Variants in DGKB observed in about 807,000 individuals in gnomAD.
DGKB encodes 90 kDa diacylglycerol kinase.
DGKB carries 67 observed loss-of-function variants against 114.3 expected under a neutral mutation model. The ratio of observed to expected loss-of-function variants is 0.59; its 90% CI spans 0.48 to 0.72. The LOEUF is 0.72. DGKB is among the 30% of genes least tolerant of loss of function. The probability of loss-of-function intolerance (pLI) is 0.00; values close to 1 mark genes in which losing one functional copy is unlikely to be tolerated. For synonymous variants in DGKB, 398 were observed against 323.1 expected (o/e 1.23, Z -2.49); for missense variants, 907 against 975.2 (o/e 0.93, Z 0.93).
intron 25 of DGKB, among the ~76,000 whole-genome samples, chr7:14,157,024 T>C (rs2158824): frequency 0.09 from 13,652 of 152,156 alleles, 882 homozygotes; most frequent in African/African-American, 0.18. Context: ...CTATTAAATA[T>C]TCACCCTGTA....
At chr7:14,223,282 T>C (rs1790282962) in intron 23 of DGKB, among the ~76,000 whole-genome samples, 2 of 151,682 alleles carry the variant, frequency 1.3e-5, no homozygotes, top group South Asian at 4.1e-4. Flanking sequence ...CTTTTTACTA[T>C]CTCTTCTTAA....
At chr7:14,515,708 G>A (rs10231750) in intron 20 of DGKB, among the ~76,000 whole-genome samples, 3 of 151,962 alleles carry the variant, frequency 2.0e-5, no homozygotes, top group South Asian at 4.1e-4. Context: ...TCTAGAAATA[G>A]AACCTTCATC....
chr7:14,912,746 A>G (rs764224781), intron 1 of DGKB, among the ~76,000 whole-genome samples: 2 of 152,096 alleles, frequency 1.3e-5, no homozygotes, highest in African/African-American at 4.8e-5. Flanking sequence ...ATGTCATTTT[A>G]TGATGTTAAC....
chr7:14,262,027 G>A (rs73052110), intron 23 of DGKB, among the ~76,000 whole-genome samples: 11,147 of 152,242 alleles, frequency 0.073, 406 homozygotes, highest in African/African-American at 0.077. Context: ...CCTGGGTTGT[G>A]TGGTGAATAA....
chr7:14,621,460 C>CCCA lies in DGKB; in HGVS notation c.1201_1202insTGG (p.Ser400_Gly401insVal), dbSNP rs1807632770. 9.9e-6 allele frequency: 16 copies of CCCA among 1,609,398 alleles called. No individual in the cohort carries two copies. Among genetic ancestry groups the CCCA allele is most frequent in the Non-Finnish European group, 1.4e-5 (16 of 1,177,774 alleles). ...AATCACTTTGTTTGGCTGCTGGGAA[C>CCCA]CACTCTTTTCCTTTTTCACTGTTGA... On this transcript the variant is annotated inframe_insertion, in exon 15 of 26. Coordinates refer to ENST00000402815, the MANE Select transcript of DGKB (RefSeq NM_001350709.2).
intron 1 of DGKB, among the ~76,000 whole-genome samples, chr7:14,853,760 C>G (rs768872718): frequency 6.8e-6 from 1 of 147,546 alleles, no homozygotes; most frequent in Non-Finnish European, 1.5e-5. Context: ...CCCAGCTACT[C>G]GGGAGGCTGA....
chr7:14,629,085 G>C (rs76930199), intron 14 of DGKB, among the ~76,000 whole-genome samples: 1 of 151,836 alleles, frequency 6.6e-6, no homozygotes, highest in Non-Finnish European at 1.5e-5. Context: ...GCCTATATTT[G>C]CTTGATTGGG....
At chr7:14,639,750 G>GTTTTGT (rs1293302475) in intron 13 of DGKB, among the ~76,000 whole-genome samples, 2 of 152,138 alleles carry the variant, frequency 1.3e-5, no homozygotes, top group Admixed American at 1.3e-4. Context: ...ATTATAGGTT[G>GTTTTGT]TTTTGTTTTT....
At chr7:14,242,675 G>C (rs1318647170) in intron 23 of DGKB, among the ~76,000 whole-genome samples, 1 of 141,206 alleles carries the variant, frequency 7.1e-6, no homozygotes, top group Non-Finnish European at 1.6e-5. Flanking sequence ...TTTGACTCCA[G>C]CTTCTTATAA....
intron 23 of DGKB, among the ~76,000 whole-genome samples, chr7:14,243,357 C>T (rs1258634224): frequency 6.6e-6 from 1 of 151,974 alleles, no homozygotes. Flanking sequence ...AAGGGAAAGG[C>T]CAAAGACAGT....
intron 7 of DGKB, among the ~76,000 whole-genome samples, chr7:14,699,323 T>C (rs1824684668): frequency 6.6e-6 from 1 of 152,262 alleles, no homozygotes; most frequent in African/African-American, 2.4e-5. Context: ...TGCTTACATA[T>C]GCCTTAATGG....
intron 21 of DGKB, among the ~76,000 whole-genome samples, chr7:14,435,695 G>A (rs1829139221): frequency 6.6e-6 from 1 of 151,980 alleles, no homozygotes; most frequent in Non-Finnish European, 1.5e-5. Context: ...CTAATTTATA[G>A]TCTGTTCTTC....
At chr7:14,173,459 T>C (rs1562530916) in intron 25 of DGKB, among the ~76,000 whole-genome samples, 1 of 152,210 alleles carries the variant, frequency 6.6e-6, no homozygotes, top group Non-Finnish European at 1.5e-5. Context: ...ACTTGTATTA[T>C]CTTGATATTT....
Position 14,697,706 on chromosome 7 carries a change from G to GGAAA in DGKB, c.591+385_591+388dup, listed in dbSNP as rs1284002401. ...GAAAAGGAAGGAAGGAAGGAAGGAA[G>GGAAA]GAAAGAAAGAAAAGGAAGGAAGGAA... On this transcript the variant is annotated intron_variant, in intron 8 of 25. Transcript: ENST00000402815. Among the ~76,000 whole-genome samples, 7 of 120,160 alleles carry GGAAA rather than the reference G, an allele frequency of 5.8e-5. No homozygotes were observed. In the East Asian group the frequency reaches 7.0e-4, roughly 12 times the overall value. 78.8% of individuals were successfully genotyped at this position (120,160 alleles called of 152,430 possible).
intron 20 of DGKB, among the ~76,000 whole-genome samples, chr7:14,479,102 G>A (rs993385882): frequency 1.3e-5 from 2 of 152,094 alleles, no homozygotes; most frequent in African/African-American, 4.8e-5. Context: ...TCACTCAAAT[G>A]AGGAACTAAT....
chr7:14,697,791 G>GAAAGAAAGAGAAAGAAAGA (rs1563943678), intron 8 of DGKB, among the ~76,000 whole-genome samples: 17 of 116,302 alleles, frequency 1.5e-4, no homozygotes, highest in African/African-American at 6.0e-4. Flanking sequence ...AGAAAGAAAG[G>GAAAGAAAGAGAAAGAAAGA]AAGGAAGGAA....
chr7:14,916,088 G>A (rs1451416185), intron 1 of DGKB, among the ~76,000 whole-genome samples: 1 of 148,104 alleles, frequency 6.8e-6, no homozygotes, highest in Non-Finnish European at 1.5e-5. Flanking sequence ...CTGTTATTCG[G>A]TACATGCATG....
intron 22 of DGKB, 127 bp from the exon 23 acceptor site, chr7:14,338,837 C>T: frequency 3.5e-6 from 2 of 568,304 alleles, no homozygotes; most frequent in Non-Finnish European, 5.5e-6. Context: ...TCCAAACAAG[C>T]CTTTCAAGAA....
At chr7:14,841,657 T>C (rs1428094724) in intron 1 of DGKB, among the ~76,000 whole-genome samples, 1 of 152,194 alleles carries the variant, frequency 6.6e-6, no homozygotes, top group Non-Finnish European at 1.5e-5. Flanking sequence ...TAGACAGTGG[T>C]ATCATTTTTA....
Sources: gnomAD v4.1 joint callset for allele counts (sites outside exome capture counted in the v4.1 genomes callset) on GRCh38, gnomAD v4.1.1 for gene constraint, MANE v1.5 for transcripts, NCBI Gene and HGNC (gene_info 2026-07-23, HGNC 2026-07-21) for gene names.